EIF4E2: variants seen among roughly 807,000 people sequenced by gnomAD.
EIF4E2 encodes the protein eukaryotic translation initiation factor 4E family member 2, also known as eukaryotic translation initiation factor 4E type 2.
A neutral mutation model predicts 34.2 loss-of-function variants in EIF4E2; 13 were observed. That is an observed-to-expected ratio of 0.38 (90% confidence interval 0.25 to 0.60). The LOEUF (loss-of-function observed/expected upper bound fraction) is 0.60, where lower values mean the gene tolerates loss of function less well. Among genes scored for constraint, EIF4E2 ranks in the 20% least tolerant of loss-of-function variants. The pLI, the probability that EIF4E2 is intolerant of heterozygous loss-of-function variation, is 0.62. For synonymous variants in EIF4E2, 100 were observed against 106.6 expected (o/e 0.94, Z 0.38); for missense variants, 222 against 315.1 (o/e 0.70, Z 2.24).
Position 232,580,752 on chromosome 2 carries a change from G to A in EIF4E2, c.666-152G>A, listed in dbSNP as rs974033089. Among the ~76,000 whole-genome samples, 27 of 152,316 alleles carry A rather than the reference G, an allele frequency of 1.8e-4. 1 individual carries two copies. The highest frequency in any genetic ancestry group is 5.3e-4 in the African/African-American group (22 of 41,574). On this transcript the variant is annotated intron_variant, in intron 6 of 6. Coordinates refer to the EIF4E2 transcript ENST00000409098. ...CAAGGGACTTGGGAGGTGGGTTGCC[G>A]TTTTGGCATTAGATTGGCAAGTGAA...
At chr2:232,563,648 G>A (rs1559317168) in intron 3 of EIF4E2, among the ~76,000 whole-genome samples, 1 of 152,022 alleles carries the variant, frequency 6.6e-6, no homozygotes, top group Non-Finnish European at 1.5e-5. Context: ...TGGTATGTGT[G>A]GTACATGTGG....
intron 1 of EIF4E2, among the ~76,000 whole-genome samples, chr2:232,552,684 CT>C (rs34854862): frequency 0.73 from 111,599 of 151,878 alleles, 41,304 homozygotes; most frequent in Middle Eastern, 0.84. Context: ...AACTTGCCCT[CT>C]TTTTTTTTCT....
chr2:232,552,804 A>AG (rs1692392006), intron 1 of EIF4E2, among the ~76,000 whole-genome samples: 1 of 151,680 alleles, frequency 6.6e-6, no homozygotes. Context: ...TGCAGGAAAA[A>AG]AAAAGAAAAA....
At chr2:232,562,446 C>T (rs777395942) in intron 3 of EIF4E2, among the ~76,000 whole-genome samples, 3 of 151,926 alleles carry the variant, frequency 2.0e-5, no homozygotes, top group Non-Finnish European at 4.4e-5. Flanking sequence ...ATTAGCCAGG[C>T]GTGGTGGTGT....
At chr2:232,580,152 T>C (rs1169055358) in intron 6 of EIF4E2, among the ~76,000 whole-genome samples, 1 of 150,702 alleles carries the variant, frequency 6.6e-6, no homozygotes, top group African/African-American at 2.4e-5. Context: ...ATTAGAGCCA[T>C]GTTTCTAAAG....
At chr2:232,561,256 A>G (rs1692713782) in intron 3 of EIF4E2, among the ~76,000 whole-genome samples, 2 of 152,110 alleles carry the variant, frequency 1.3e-5, no homozygotes, top group Non-Finnish European at 2.9e-5. Context: ...CAACATAGTG[A>G]GATCTTATCT....
intron 6 of EIF4E2, among the ~76,000 whole-genome samples, chr2:232,576,119 G>T (rs111441905): frequency 0.21 from 32,323 of 151,734 alleles, 3,670 homozygotes; most frequent in Admixed American, 0.33. Flanking sequence ...CAGGAGAATC[G>T]CTTGAACTCA....
chr2:232,578,658 A>T (rs1693275690), intron 6 of EIF4E2, among the ~76,000 whole-genome samples: 1 of 152,136 alleles, frequency 6.6e-6, no homozygotes, highest in African/African-American at 2.4e-5. Flanking sequence ...AAGTGTTTTT[A>T]GAGCTCTCCA....
rs1692533969 is a variant in EIF4E2 at position 232,556,603 on chromosome 2, T to G, written c.135+73T>G. ...TATTATCTTGTGGAATCTGTTTATCTGGAAGATACCAGATTAACTTGATGG... is the reference window on the plus strand; with the variant it reads ...TATTATCTTGTGGAATCTGTTTATCGGGAAGATACCAGATTAACTTGATGG... On this transcript the variant is annotated intron_variant, in intron 2 of 6. Coordinates refer to ENST00000258416, the MANE Select transcript of EIF4E2 (RefSeq NM_004846.4). 4 of 1,115,532 alleles carry G rather than the reference T, an allele frequency of 3.6e-6. No individual in the cohort carries two copies. The Admixed American group carries it at 6.0e-5, about 17-fold the overall frequency. 69.1% of individuals were successfully genotyped at this position (1,115,532 alleles called of 1,614,324 possible).
At chr2:232,552,444 CAA>C (rs1435016509) in intron 1 of EIF4E2, among the ~76,000 whole-genome samples, 2 of 152,122 alleles carry the variant, frequency 1.3e-5, no homozygotes, top group Non-Finnish European at 2.9e-5. Context: ...AACTCGGGCT[CAA>C]GAGATCCACC....
At chr2:232,565,116 C>G (rs931709991) in intron 4 of EIF4E2, among the ~76,000 whole-genome samples, 4 of 152,216 alleles carry the variant, frequency 2.6e-5, no homozygotes, top group African/African-American at 9.7e-5. Flanking sequence ...TGGCATTTTT[C>G]GAGAAGACAA....
exon 7 of EIF4E2, chr2:232,582,733 G>A (rs1023987078): frequency 5.3e-5 from 8 of 152,222 alleles, no homozygotes; most frequent in African/African-American, 1.9e-4. Flanking sequence ...AAGTCAGTGT[G>A]TATGTGTAGA....
rs1693369279 is a variant in EIF4E2, at chr2:232,581,949, G to C, written c.*1006G>C. Reference sequence around the variant, plus strand: ...CTTGCTGGATGGCTTTATTTGCATGGCTCTGCCTGTCTGCAGTGGTTGAGT... The same window carrying C: ...CTTGCTGGATGGCTTTATTTGCATGCCTCTGCCTGTCTGCAGTGGTTGAGT... On this transcript the variant is annotated 3_prime_UTR_variant, in exon 7 of 7. Coordinates refer to the EIF4E2 transcript ENST00000409098. This position sits in a 1 kb window ranked among gnomAD's most constrained non-coding sequence, Gnocchi z 5.2. 1 of 152,260 alleles carries C rather than the reference G, an allele frequency of 6.6e-6. No homozygotes were observed. Among genetic ancestry groups the C allele is most frequent in the East Asian group, 1.9e-4 (1 of 5,196 alleles). The allele number at this position is 152,260 out of a possible 1,614,324, so 9.4% of individuals were successfully genotyped here. A position where few individuals can be genotyped will look rare whatever the true frequency, so the allele number is the denominator to read the frequency against.
intron 3 of EIF4E2, among the ~76,000 whole-genome samples, chr2:232,562,109 G>T (rs189410110): frequency 2.2e-4 from 33 of 152,224 alleles, no homozygotes; most frequent in Middle Eastern, 6.8e-3. Context: ...CAGCTACTCA[G>T]GAGGCTGAGG....
chr2:232,552,242 C>T (rs1431237858), intron 1 of EIF4E2, among the ~76,000 whole-genome samples: 4 of 152,204 alleles, frequency 2.6e-5, no homozygotes, highest in East Asian at 3.9e-4. Flanking sequence ...GACAGGGTCT[C>T]GCTGTGTCAC....
At chr2:232,572,866 T>C (rs1038290484), downstream of EIF4E2, among the ~76,000 whole-genome samples, 7 of 152,180 alleles carry the variant, frequency 4.6e-5, no homozygotes, top group African/African-American at 1.7e-4. Context: ...AAAGGATAAA[T>C]GACATGAAGC....
intron 6 of EIF4E2, among the ~76,000 whole-genome samples, chr2:232,579,123 T>TACACACAC (rs71056276): frequency 0.018 from 2,619 of 146,582 alleles, 37 homozygotes; most frequent in Middle Eastern, 0.032. Context: ...AACTCAGAAA[T>TACACACAC]ACACACACAC....
chr2:232,581,205 C>G lies in EIF4E2; in HGVS notation c.*262C>G. 1.7e-6 allele frequency: 1 copy of G among 581,252 alleles called. No individual in the cohort carries two copies. The highest frequency in any genetic ancestry group is 1.7e-5 in the South Asian group (1 of 60,528). 36.0% of individuals were successfully genotyped at this position (581,252 alleles called of 1,614,324 possible). ...GGGGTTCCATGGGGGGGCGTTCAGC[C>G]TTTCTGTTTGCTGTGTGCTGTCCAG... is the stretch of plus-strand genomic sequence containing the variant. On this transcript the variant is annotated 3_prime_UTR_variant, in exon 7 of 7. Coordinates refer to the EIF4E2 transcript ENST00000409098. This position sits in a 1 kb window ranked among gnomAD's most constrained non-coding sequence, Gnocchi z 5.2.
intron 6 of EIF4E2, chr2:232,574,283 G>A: frequency 1.3e-6 from 2 of 1,550,526 alleles, no homozygotes; most frequent in Non-Finnish European, 1.7e-6. Flanking sequence ...GAGTTTCATG[G>A]CCTGGTGAAC....
Sources: gnomAD v4.1 joint callset for allele counts (sites outside exome capture counted in the v4.1 genomes callset) on GRCh38, gnomAD v4.1.1 for gene constraint, Gnocchi (gnomAD v3.1) non-coding constraint, MANE v1.5 for transcripts, NCBI Gene and HGNC (gene_info 2026-07-23, HGNC 2026-07-21) for gene names.